Variants in PCDHA5 observed in about 807,000 individuals in gnomAD.
PCDHA5 encodes the protein protocadherin alpha-5.
A neutral mutation model predicts 61.6 loss-of-function variants in PCDHA5; 43 were observed. The ratio of observed to expected loss-of-function variants is 0.70; its 90% CI spans 0.55 to 0.90. PCDHA5 has a LOEUF of 0.90. Among genes scored for constraint, PCDHA5 ranks in the 40% least tolerant of loss-of-function variants. The pLI, the probability that PCDHA5 is intolerant of heterozygous loss-of-function variation, is 0.00. For synonymous variants in PCDHA5, 627 were observed against 543.9 expected, an observed-to-expected ratio of 1.15 and a Z score of -2.13; for missense variants, 1,298 against 1,222.7, an observed-to-expected ratio of 1.06 and a Z score of -0.92.
chr5:140,985,505 T>C (rs2097155238), intron 3 of PCDHA5, among the ~76,000 whole-genome samples: 1 of 152,188 alleles, frequency 6.6e-6, no homozygotes, highest in Non-Finnish European at 1.5e-5. Flanking sequence ...CTGCCTTTCA[T>C]TGATTCTGTT....
At chr5:140,895,389 C>T (rs553681530) in intron 1 of PCDHA5, among the ~76,000 whole-genome samples, 1 of 152,098 alleles carries the variant, frequency 6.6e-6, no homozygotes, top group South Asian at 2.1e-4. Context: ...CTTCAATTCT[C>T]AACACCATCA....
At chr5:140,927,822 T>C in intron 1 of PCDHA5, 1 of 1,614,152 alleles carries the variant, frequency 6.2e-7, no homozygotes, top group Non-Finnish European at 8.5e-7. Context: ...AGGCATACAT[T>C]GAGGCGAGGG....
intron 1 of PCDHA5, among the ~76,000 whole-genome samples, chr5:140,959,004 C>G (rs1554223791): frequency 6.6e-6 from 1 of 151,642 alleles, no homozygotes; most frequent in African/African-American, 2.4e-5. Flanking sequence ...TTTACTGTAC[C>G]TAATTTATAC....
chr5:140,863,356 C>T (rs1554158132), intron 1 of PCDHA5: 1 of 1,255,152 alleles, frequency 8.0e-7, no homozygotes, highest in Non-Finnish European at 1.1e-6. Flanking sequence ...CACGACGCTG[C>T]GGTGCTTGGC....
At chr5:140,895,273 A>T (rs2064941325) in intron 1 of PCDHA5, among the ~76,000 whole-genome samples, 2 of 151,970 alleles carry the variant, frequency 1.3e-5, no homozygotes, top group South Asian at 4.1e-4. Context: ...TTACTCAGGG[A>T]TAATTGAATT....
At chr5:140,925,923 C>CT (rs111894943) in intron 1 of PCDHA5, among the ~76,000 whole-genome samples, 7,061 of 152,174 alleles carry the variant, frequency 0.046, 290 homozygotes, top group African/African-American at 0.11. Context: ...GCAAAGCACT[C>CT]CCAAGTAGAG....
intron 1 of PCDHA5, chr5:140,836,375 C>T (rs2150258961): frequency 4.3e-6 from 7 of 1,613,712 alleles, no homozygotes; most frequent in South Asian, 1.1e-5. Context: ...CCACAGCCAC[C>T]GTGCTGGTGT....
chr5:140,978,642 C>T (rs140934683), intron 1 of PCDHA5, among the ~76,000 whole-genome samples: 126 of 152,354 alleles, frequency 8.3e-4, no homozygotes, highest in African/African-American at 2.8e-3. Context: ...TCAAAGCAGA[C>T]TGTTCTTCCC....
Position 140,835,939 on chromosome 5 carries a change from C to T in PCDHA5, c.2352+11812C>T, listed in dbSNP as rs1352596879. ...CACGCGGAGAGCGGCAAGGTGTACGCGCTGCAGCCGTTGGACCACGAGGAG... is the reference window on the plus strand; with the variant it reads ...CACGCGGAGAGCGGCAAGGTGTACGTGCTGCAGCCGTTGGACCACGAGGAG... On this transcript the variant is annotated intron_variant, in intron 1 of 3. Coordinates refer to ENST00000529859, the MANE Select transcript of PCDHA5 (RefSeq NM_018908.3). 4 of 1,612,400 alleles carry T rather than the reference C, an allele frequency of 2.5e-6. No homozygotes were observed. The African/African-American group carries it at 5.3e-5, about 22-fold the overall frequency.
intron 1 of PCDHA5, chr5:140,862,219 T>C: frequency 4.8e-6 from 1 of 206,310 alleles, no homozygotes; most frequent in Non-Finnish European, 9.9e-6. Flanking sequence ...ACAGACTTGA[T>C]AGAAGTCTTG....
intron 1 of PCDHA5, among the ~76,000 whole-genome samples, chr5:140,827,576 C>T (rs2150148226): frequency 6.6e-6 from 1 of 152,140 alleles, no homozygotes; most frequent in African/African-American, 2.4e-5. Flanking sequence ...TATATAATAG[C>T]ATGTCCTAGG....
chr5:140,822,900 CCGTGA>C lies in PCDHA5; in HGVS notation c.1127_1131del (p.Arg376LeufsTer44). The C allele has an allele frequency of 6.2e-7, 1 of 1,614,266 alleles. No individual in the cohort carries two copies. On this transcript the variant is annotated frameshift_variant, in exon 1 of 4. Coordinates refer to ENST00000529859, the MANE Select transcript of PCDHA5 (RefSeq NM_018908.3). LOFTEE classifies it high-confidence loss of function. ...TCATTGCTCTGATCAGCGTGTCTGACCGTGACTCAGGTGCCAACGGGCAGGTGACC... is the reference window on the plus strand; with the variant it reads ...TCATTGCTCTGATCAGCGTGTCTGACCTCAGGTGCCAACGGGCAGGTGACC...
At position 141,011,088 on chromosome 5, in the gene PCDHA5, TTCTC is replaced by T. The variant is rs375099849; in HGVS notation, c.*1165_*1168del. Reference sequence around the variant, plus strand: ...TATTACTAAATAAAATGATCTCTCTTTCTCTCTCTCTCTCTCTTTTCTAAGAAAC... The same window carrying T: ...TATTACTAAATAAAATGATCTCTCTTTCTCTCTCTCTCTTTTCTAAGAAAC... On this transcript the variant is annotated 3_prime_UTR_variant, in exon 4 of 4. Coordinates refer to ENST00000529859, the MANE Select transcript of PCDHA5 (RefSeq NM_018908.3). 16 of 152,024 alleles carry T rather than the reference TTCTC, an allele frequency of 1.1e-4. No individual in the cohort carries two copies. Among genetic ancestry groups the T allele is most frequent in the African/African-American group, 2.2e-4 (9 of 41,160 alleles). 9.4% of individuals were successfully genotyped at this position (152,024 alleles called of 1,614,324 possible).
rs782361309 is a variant in PCDHA5 at position 140,857,289 on chromosome 5, G to T, written c.2352+33162G>T. 3 of 1,598,578 alleles carry T rather than the reference G, an allele frequency of 1.9e-6. 1 individual carries two copies. Among genetic ancestry groups the T allele is most frequent in the Middle Eastern group, 1.7e-4 (1 of 5,944 alleles). ...TTGGTGCTGGACAGCGCTCTGGACC[G>T]CGAGAGGGTGTCGGCCTATGAGCTG... is the stretch of plus-strand genomic sequence containing the variant. On this transcript the variant is annotated intron_variant, in intron 1 of 3. Transcript: ENST00000529859.
intron 1 of PCDHA5, 117 bp downstream of exon 1, chr5:140,824,244 A>AC: frequency 6.8e-7 from 1 of 1,468,334 alleles, no homozygotes; most frequent in Non-Finnish European, 9.4e-7. Context: ...ATATTGTGGT[A>AC]CACAATTATT....
At position 140,946,611 on chromosome 5, in the gene PCDHA5, A is replaced by AATATATATATATATATATATATATAT. The variant is rs1554217734; in HGVS notation, c.2353-32317_2353-32316insTATATATATATATATATATATATATA. Among the ~76,000 whole-genome samples, 847 of 86,186 alleles carry AATATATATATATATATATATATATAT rather than the reference A, an allele frequency of 9.8e-3. 28 individuals carry two copies. The highest frequency in any genetic ancestry group is 0.012 in the Non-Finnish European group (550 of 46,284). The allele number at this position is 86,186 out of a possible 152,430, so 56.5% of individuals were successfully genotyped here. ...GGATGAATAGATAAAGAAAATGTGA[A>AATATATATATATATATATATATATAT]ATATATATATATATATATATACAAT... On this transcript the variant is annotated intron_variant, in intron 1 of 3. Coordinates refer to ENST00000529859, the MANE Select transcript of PCDHA5 (RefSeq NM_018908.3).
chr5:140,869,697 G>T (rs552852780), intron 1 of PCDHA5: 1 of 1,613,410 alleles, frequency 6.2e-7, no homozygotes, highest in Admixed American at 1.7e-5. Flanking sequence ...TTTTAAAGAA[G>T]TCTCTGGATA....
At chr5:140,954,396 C>T (rs894225724) in intron 1 of PCDHA5, among the ~76,000 whole-genome samples, 3 of 152,176 alleles carry the variant, frequency 2.0e-5, no homozygotes, top group Admixed American at 1.3e-4. Context: ...TTTACAACCC[C>T]ACCAACAGGG....
At chr5:140,829,727 G>A (rs2150173512) in intron 1 of PCDHA5, 12 of 1,613,462 alleles carry the variant, frequency 7.4e-6, no homozygotes, top group East Asian at 4.5e-5. Flanking sequence ...GCCGCCTCTG[G>A]GCAGCAACGT....
Sources: allele counts gnomAD v4.1 joint callset (sites outside exome capture counted in the v4.1 genomes callset), GRCh38; gene constraint gnomAD v4.1.1; transcripts MANE v1.5; gene names NCBI Gene and HGNC (gene_info 2026-07-23, HGNC 2026-07-21).